MGAT4A: variants seen among roughly 807,000 people sequenced by gnomAD.
MGAT4A encodes alpha-1,3-mannosyl-glycoprotein 4-beta-N-acetylglucosaminyltransferase A, also known as N-acetylglucosaminyltransferase IVa.
Under a neutral mutation model 74.1 loss-of-function variants are expected in MGAT4A, and 33 were observed. The ratio of observed to expected loss-of-function variants is 0.45; its 90% CI spans 0.34 to 0.60. MGAT4A has a LOEUF of 0.60. Among genes scored for constraint, MGAT4A ranks in the 20% least tolerant of loss-of-function variants. The pLI is 0.02. For missense variants in MGAT4A, 479 were observed against 628.3 expected, an observed-to-expected ratio of 0.76 and a Z score of 2.54; for synonymous variants, 198 against 210.4, an observed-to-expected ratio of 0.94 and a Z score of 0.51.
rs1701011675 is a variant in MGAT4A at position 98,619,395 on chromosome 2, G to A, written c.*6171C>T. ...TACATTTAAGAAAAAAAAAAATCTGGTACAACCTGGCAAGGAGATTCCTCA... is the reference window on the plus strand; with the variant it reads ...TACATTTAAGAAAAAAAAAAATCTGATACAACCTGGCAAGGAGATTCCTCA... On this transcript the variant is annotated 3_prime_UTR_variant, in exon 16 of 16. Transcript: ENST00000393487. 6.6e-6 allele frequency: 1 copy of A among 151,942 alleles called. No individual in the cohort carries two copies. Among genetic ancestry groups the A allele is most frequent in the Admixed American group, 6.6e-5 (1 of 15,218 alleles). The allele number at this position is 151,942 out of a possible 1,614,324, so 9.4% of individuals were successfully genotyped here. A position where few individuals can be genotyped will look rare whatever the true frequency, so the allele number is the denominator to read the frequency against.
chr2:98,704,127 A>T (rs1217319929), intron 2 of MGAT4A, among the ~76,000 whole-genome samples: 2 of 152,332 alleles, frequency 1.3e-5, no homozygotes, highest in Non-Finnish European at 2.9e-5. Context: ...TGCCTAGTGG[A>T]TCACCACCTA....
intron 14 of MGAT4A, among the ~76,000 whole-genome samples, chr2:98,627,453 G>T (rs757847256): frequency 2.6e-5 from 4 of 151,928 alleles, no homozygotes. Flanking sequence ...TCGGCTCACT[G>T]CAACCTCTGC....
intron 14 of MGAT4A, 133 bp downstream of exon 14, chr2:98,635,089 A>C: frequency 1.5e-6 from 1 of 657,780 alleles, no homozygotes; most frequent in South Asian, 2.0e-5. Flanking sequence ...AAGTACTACA[A>C]CACAGCACAC....
intron 10 of MGAT4A, 39 bp downstream of exon 10, chr2:98,643,884 A>G: frequency 6.9e-7 from 1 of 1,445,242 alleles, no homozygotes; most frequent in Non-Finnish European, 9.2e-7. Context: ...CGAAATACAG[A>G]AGTGAAACTC....
Position 98,621,500 on chromosome 2 carries a change from T to A in MGAT4A, c.*4066A>T, listed in dbSNP as rs1429760444. Reference sequence around the variant, plus strand: ...ACTTCTGCCACCAGCCCGAGAAAACTCTCTGCTTTTAAAGGAGTCACAAGA... The same window carrying A: ...ACTTCTGCCACCAGCCCGAGAAAACACTCTGCTTTTAAAGGAGTCACAAGA... On this transcript the variant is annotated 3_prime_UTR_variant, in exon 16 of 16. Coordinates refer to ENST00000393487, the MANE Select transcript of MGAT4A (RefSeq NM_012214.3). 6.4e-7 allele frequency: 1 copy of A among 1,551,482 alleles called. No homozygotes were observed. Among genetic ancestry groups the A allele is most frequent in the Non-Finnish European group, 8.7e-7 (1 of 1,146,966 alleles).
At chr2:98,630,100 A>G (rs1701207190) in intron 14 of MGAT4A, among the ~76,000 whole-genome samples, 1 of 152,196 alleles carries the variant, frequency 6.6e-6, no homozygotes, top group Non-Finnish European at 1.5e-5. Flanking sequence ...ATGCAGTTGA[A>G]GATTTGCTTC....
At chr2:98,721,274 A>G (rs1185269195) in intron 2 of MGAT4A, among the ~76,000 whole-genome samples, 1 of 152,354 alleles carries the variant, frequency 6.6e-6, no homozygotes, top group South Asian at 2.1e-4. Context: ...GACATGCCTT[A>G]TAAGAAACAC....
intron 10 of MGAT4A, among the ~76,000 whole-genome samples, chr2:98,642,358 G>A (rs1348697157): frequency 6.6e-6 from 1 of 152,146 alleles, no homozygotes; most frequent in Non-Finnish European, 1.5e-5. Context: ...TAAATGATTC[G>A]AAGGGTTTCC....
intron 1 of MGAT4A, among the ~76,000 whole-genome samples, chr2:98,730,728 A>G (rs949231107): frequency 6.7e-6 from 1 of 149,850 alleles, no homozygotes; most frequent in African/African-American, 2.4e-5. Context: ...CCGGCCGCAG[A>G]GAGGGCGCGC....
chr2:98,689,633 G>A (rs948541289), intron 2 of MGAT4A, among the ~76,000 whole-genome samples: 4 of 152,080 alleles, frequency 2.6e-5, no homozygotes, highest in South Asian at 2.1e-4. Context: ...GACTAGCCTC[G>A]GCACCATGGG....
chr2:98,718,814 C>CA (rs1238127473), intron 2 of MGAT4A, among the ~76,000 whole-genome samples: 1 of 152,238 alleles, frequency 6.6e-6, no homozygotes, highest in Non-Finnish European at 1.5e-5. Flanking sequence ...AGGGCCCTGA[C>CA]AGCCCTTCCT....
intron 4 of MGAT4A, among the ~76,000 whole-genome samples, chr2:98,665,333 C>CAA (rs3067257): frequency 0.47 from 53,546 of 114,482 alleles, 13,838 homozygotes; most frequent in African/African-American, 0.65. Context: ...CATCTCATCT[C>CAA]AAAAAAAAAA....
chr2:98,691,264 A>C (rs1262633151), intron 2 of MGAT4A, among the ~76,000 whole-genome samples: 1 of 152,074 alleles, frequency 6.6e-6, no homozygotes, highest in African/African-American at 2.4e-5. Flanking sequence ...GACCAGCCTG[A>C]GCAAATCAGT....
rs370793620 is a variant in MGAT4A at position 98,635,286 on chromosome 2, A to G, written c.1404T>C (p.Ser468=). The change falls in exon 14 of 16, where the codon AGT becomes AGC. Residue 468 remains serine (S), a splice_region_variant and synonymous_variant. Transcript: ENST00000393487. ...NTTVEVLPFK[S]EGLEISKETK... ...TTTCTTTGCTTATTTCCAAACCTTC[A>G]CTCTAAAATAAAACAAAAGCATTAA... The G allele has an allele frequency of 6.3e-7, 1 of 1,596,402 alleles. No homozygotes were observed. Among genetic ancestry groups the G allele is most frequent in the Non-Finnish European group, 8.5e-7 (1 of 1,171,422 alleles).
intron 2 of MGAT4A, among the ~76,000 whole-genome samples, chr2:98,710,522 C>T (rs926979880): frequency 1.3e-5 from 2 of 152,076 alleles, no homozygotes; most frequent in East Asian, 1.9e-4. Context: ...TGCAGTGGCC[C>T]GAACTCGGCT....
At chr2:98,627,004 C>T (rs1302080439) in intron 14 of MGAT4A, among the ~76,000 whole-genome samples, 2 of 152,096 alleles carry the variant, frequency 1.3e-5, no homozygotes, top group Middle Eastern at 3.2e-3. Context: ...ATTAGCCTTC[C>T]GGTATATTAT....
chr2:98,698,411 C>G (rs1157629441), intron 2 of MGAT4A, among the ~76,000 whole-genome samples: 3 of 152,006 alleles, frequency 2.0e-5, no homozygotes, highest in Admixed American at 1.3e-4. Flanking sequence ...AGCAAGACTC[C>G]GTCTCAAAAA....
intron 2 of MGAT4A, among the ~76,000 whole-genome samples, chr2:98,711,653 G>GA (rs2104325747): frequency 6.6e-6 from 1 of 152,056 alleles, no homozygotes; most frequent in African/African-American, 2.4e-5. Flanking sequence ...ACTTACAAGA[G>GA]AAAAAAAGAC....
intron 2 of MGAT4A, among the ~76,000 whole-genome samples, chr2:98,699,691 A>G (rs1702324985): frequency 6.6e-6 from 1 of 152,228 alleles, no homozygotes; most frequent in Non-Finnish European, 1.5e-5. Context: ...TTATGGACCC[A>G]CTACAATTCA....
Sources: gnomAD v4.1 joint callset for allele counts (sites outside exome capture counted in the v4.1 genomes callset) on GRCh38, gnomAD v4.1.1 for gene constraint, MANE v1.5 for transcripts, NCBI Gene and HGNC (gene_info 2026-07-23, HGNC 2026-07-21) for gene names.